Variants in BSN observed in about 807,000 individuals in gnomAD.
BSN encodes protein bassoon.
BSN carries 57 observed loss-of-function variants against 264.8 expected under a neutral mutation model. That is an observed-to-expected ratio of 0.22 (90% CI 0.17 to 0.27). BSN has a LOEUF of 0.27. Among genes scored for constraint, BSN ranks in the 10% least tolerant of loss-of-function variants. BSN has a pLI of 1.00. For synonymous variants in BSN, 2,059 were observed against 2,137.3 expected (o/e 0.96, Z 1.01); for missense variants, 4,615 against 5,232.5 (o/e 0.88, Z 3.64).
At chr3:49,592,379 G>T (rs2051984722) in intron 1 of BSN, among the ~76,000 whole-genome samples, 1 of 151,446 alleles carries the variant, frequency 6.6e-6, no homozygotes, top group Admixed American at 6.6e-5. Flanking sequence ...AAAGTGCTGG[G>T]ATTACAGGCG....
At chr3:49,664,641 G>T in intron 9 of BSN, 87 bp downstream of exon 9, 1 of 1,548,358 alleles carries the variant, frequency 6.5e-7, no homozygotes. Flanking sequence ...CAGTCACCCA[G>T]GCAGAGGCCA....
In BSN at chr3:49,662,181, C is replaced by T; in HGVS notation, c.10336C>T (p.Pro3446Ser). ...IYGGSSRSRA[P>S]SAYSGEKLSS... ...TGGCGGGAGCAGCCGGTCCCGGGCA[C>T]CTTCTGCATACAGTGGGGAGAAGCT... Residue 3446 changes from proline to serine, a missense_variant, in exon 6 of 12, where the codon CCT (proline) becomes TCT (serine). Physicochemically the swap from Pro to Ser is moderately conservative, Grantham distance 74. Around this residue, in one of 3 missense-constraint regions of BSN, gnomAD observed 3,415 missense variants for 3,866.4 expected, o/e 0.88. Coordinates refer to ENST00000296452, the MANE Select transcript of BSN (RefSeq NM_003458.4). 6.2e-7 allele frequency: 1 copy of T among 1,612,936 alleles called. No individual in the cohort carries two copies. The highest frequency in any genetic ancestry group is 8.5e-7 in the Non-Finnish European group (1 of 1,179,910).
At position 49,650,678 on chromosome 3, in the gene BSN, A is replaced by G. The variant is rs781069445; in HGVS notation, c.1585A>G (p.Thr529Ala). The change falls in exon 4 of 12, where the codon ACC (threonine) becomes GCC (alanine). Residue 529 changes from threonine (T) to alanine (A), a missense_variant. Physicochemically the swap from Thr to Ala is moderately conservative, Grantham distance 58. This residue lies in a region of BSN where 1,197 missense variants were observed against 1,348.0 expected (regional missense o/e 0.89). Coordinates refer to ENST00000296452, the MANE Select transcript of BSN (RefSeq NM_003458.4). The stretch of plus-strand genomic sequence containing the variant: ...ACTGGAGGGCAGCCTAGGAGAGCCG[A>G]CCCCCCTGCCGCCGCCCACCTCACA... ...RLLEGSLGEPTPLPPPTSQQP... is the reference protein window; with the variant it reads ...RLLEGSLGEPAPLPPPTSQQP... The G allele has an allele frequency of 1.2e-5, 20 of 1,609,600 alleles. No homozygotes were observed. In the Admixed American group the frequency reaches 3.1e-4, roughly 25 times the overall value.
chr3:49,609,089 CTTTT>C (rs35003449), intron 1 of BSN, among the ~76,000 whole-genome samples: 2 of 89,032 alleles, frequency 2.2e-5, no homozygotes, highest in African/African-American at 4.3e-5. Flanking sequence ...GTTAAATTGA[CTTTT>C]TTTTTTTTTT....
chr3:49,672,821 C>T (rs1243378860), downstream of BSN, among the ~76,000 whole-genome samples: 3 of 140,976 alleles, frequency 2.1e-5, no homozygotes, highest in Non-Finnish European at 4.6e-5. Context: ...TGGCTGTCGC[C>T]CAGGATGGAG....
At chr3:49,648,754 A>C (rs1182775339) in intron 3 of BSN, among the ~76,000 whole-genome samples, 1 of 152,346 alleles carries the variant, frequency 6.6e-6, no homozygotes, top group East Asian at 1.9e-4. Context: ...GTGGAGACAC[A>C]TTGAGCATCA....
At chr3:49,632,047 A>G (rs1002191671) in intron 2 of BSN, among the ~76,000 whole-genome samples, 1 of 152,218 alleles carries the variant, frequency 6.6e-6, no homozygotes. Flanking sequence ...ATGATTTTTG[A>G]TAAGAGTGCC....
Position 49,655,590 on chromosome 3 carries a change from T to C in BSN, c.6034T>C (p.Ser2012Pro). ...GQLFQGPGRD[S>P]AMDLSSLKHS... ...GCTCTTCCAGGGTCCTGGACGAGAC[T>C]CGGCTATGGACCTCAGCTCACTGAA... is the stretch of plus-strand genomic sequence containing the variant. The change falls in exon 5 of 12, where the codon TCG becomes CCG. Residue 2012 changes from serine to proline, a missense_variant. By Grantham distance (74) the Ser-to-Pro change is moderately conservative. Around this residue, in one of 3 missense-constraint regions of BSN, gnomAD observed 3,415 missense variants for 3,866.4 expected, o/e 0.88. Transcript: ENST00000296452. 1 of 1,613,612 alleles carries C rather than the reference T, an allele frequency of 6.2e-7. No individual in the cohort carries two copies. Among genetic ancestry groups the C allele is most frequent in the Non-Finnish European group, 8.5e-7 (1 of 1,179,988 alleles).
At chr3:49,594,729 A>G (rs2052007679) in intron 1 of BSN, among the ~76,000 whole-genome samples, 1 of 152,166 alleles carries the variant, frequency 6.6e-6, no homozygotes, top group Non-Finnish European at 1.5e-5. Flanking sequence ...TGAGATTTTG[A>G]TAGGAATTGA....
intron 3 of BSN, among the ~76,000 whole-genome samples, chr3:49,649,241 G>GCCAA (rs2052521085): frequency 6.6e-6 from 1 of 152,222 alleles, no homozygotes; most frequent in African/African-American, 2.4e-5. Context: ...GGTGGCAAGG[G>GCCAA]CCAAAGGTCA....
rs759907095 is a variant in BSN, at chr3:49,656,893, C to T, written c.7337C>T (p.Ala2446Val). 14 of 1,600,046 alleles carry T rather than the reference C, an allele frequency of 8.7e-6. No homozygotes were observed. Among genetic ancestry groups the T allele is most frequent in the South Asian group, 4.5e-5 (4 of 89,562 alleles). The change falls in exon 5 of 12, where the codon GCG becomes GTG. Residue 2446 changes from alanine to valine, a missense_variant. Ala to Val is a moderately conservative substitution (Grantham distance 64). Around this residue, in one of 3 missense-constraint regions of BSN, gnomAD observed 3,415 missense variants for 3,866.4 expected, o/e 0.88. Coordinates refer to ENST00000296452, the MANE Select transcript of BSN (RefSeq NM_003458.4). ...TTTGCACTGCAGCGGGAACAGCTAG[C>T]GCAGCAGCGTCTGCAGCTGGAGCAG... ...AQFALQREQL[A>V]QQRLQLEQIQ...
intron 1 of BSN, among the ~76,000 whole-genome samples, chr3:49,620,296 A>T (rs1392709848): frequency 6.6e-6 from 1 of 152,120 alleles, no homozygotes; most frequent in Non-Finnish European, 1.5e-5. Context: ...ATGGTGGCAC[A>T]TGCCTGTAGT....
Position 49,661,768 on chromosome 3 carries a change from T to C in BSN, c.9923T>C (p.Met3308Thr), listed in dbSNP as rs374759000. The C allele has an allele frequency of 8.7e-6, 14 of 1,613,056 alleles. No individual in the cohort carries two copies. The highest frequency in any genetic ancestry group is 1.2e-5 in the Non-Finnish European group (14 of 1,180,006). ...GGGAAGGGTGGCCACCTCCGGAGCA[T>C]GGAGAGCAATGGTCGACCAGCCAGT... is the stretch of plus-strand genomic sequence containing the variant. The part of the protein sequence containing the change: ...PRGKGGHLRS[M>T]ESNGRPASTH... Residue 3308 changes from methionine to threonine, a missense_variant, in exon 6 of 12, where the codon ATG (methionine) becomes ACG (threonine). Around this residue, in one of 3 missense-constraint regions of BSN, gnomAD observed 3,415 missense variants for 3,866.4 expected, o/e 0.88. Coordinates refer to ENST00000296452, the MANE Select transcript of BSN (RefSeq NM_003458.4).
Position 49,576,545 on chromosome 3 carries a change from CA to C in BSN, c.224+21721del, listed in dbSNP as rs1176417088. ...AAGTGATTCTTCTGCCTCAGCCTCC[CA>C]AGTAGCTAGGATTACAGGCACCCAC... On this transcript the variant is annotated intron_variant, in intron 1 of 11. Transcript: ENST00000296452. 2.6e-5 allele frequency among the ~76,000 whole-genome samples: 4 copies of C among 151,960 alleles called. No homozygotes were observed. The East Asian group carries it at 7.7e-4, about 29-fold the overall frequency.
chr3:49,664,000 G>A, intron 8 of BSN, 114 bp downstream of exon 8: 1 of 1,055,810 alleles, frequency 9.5e-7, no homozygotes, highest in Non-Finnish European at 1.4e-6. Flanking sequence ...TAATCCCTGA[G>A]AAGGTGCCCC....
rs200910569 is a variant in BSN, at chr3:49,661,953, T to G, written c.10108T>G (p.Ser3370Ala). 4 of 1,613,712 alleles carry G rather than the reference T, an allele frequency of 2.5e-6. No homozygotes were observed. Among genetic ancestry groups the G allele is most frequent in the Non-Finnish European group, 3.4e-6 (4 of 1,180,014 alleles). ...HRKQGMEQKI[S>A]KFSPIEEAKD... ...GAAGCAGGGCATGGAGCAAAAGATA[T>G]CCAAGTTCTCGCCTATTGAAGAGGC... The change falls in exon 6 of 12, where the codon TCC becomes GCC. Residue 3370 changes from serine (S) to alanine (A), a missense_variant. By Grantham distance (99) the Ser-to-Ala change is moderately conservative. Around this residue, in one of 3 missense-constraint regions of BSN, gnomAD observed 3,415 missense variants for 3,866.4 expected, o/e 0.88. Coordinates refer to ENST00000296452, the MANE Select transcript of BSN (RefSeq NM_003458.4).
intron 1 of BSN, among the ~76,000 whole-genome samples, chr3:49,607,851 C>T (rs1364665908): frequency 6.6e-6 from 1 of 152,214 alleles, no homozygotes; most frequent in Admixed American, 6.5e-5. Flanking sequence ...AGGGCCTCTT[C>T]TCGTCAAGGG....
At chr3:49,603,911 A>T (rs1444048737) in intron 1 of BSN, among the ~76,000 whole-genome samples, 1 of 152,018 alleles carries the variant, frequency 6.6e-6, no homozygotes, top group Non-Finnish European at 1.5e-5. Flanking sequence ...TATTTTGGAT[A>T]GTTCATATAA....
At chr3:49,659,619 A>T (rs1205909875) in intron 5 of BSN, among the ~76,000 whole-genome samples, 1 of 152,118 alleles carries the variant, frequency 6.6e-6, no homozygotes, top group Non-Finnish European at 1.5e-5. Flanking sequence ...GGAGCGAGAG[A>T]AAAAGGGAGA....
Sources: allele counts gnomAD v4.1 joint callset (sites outside exome capture counted in the v4.1 genomes callset), GRCh38; gene constraint gnomAD v4.1.1; regional missense constraint gnomAD v4.1.1; transcripts MANE v1.5; gene names NCBI Gene and HGNC (gene_info 2026-07-23, HGNC 2026-07-21).